The following ADAMTSL3 variants were observed in gnomAD, a reference collection of about 807,000 sequenced individuals.
ADAMTSL3 encodes the protein ADAMTS-like protein 3.
Under a neutral mutation model 201.7 loss-of-function variants are expected in ADAMTSL3, and 128 were observed. The observed-to-expected ratio is 0.63, with a 90% CI of 0.55 to 0.73. The LOEUF is 0.73. Among genes scored for constraint, ADAMTSL3 ranks in the 30% least tolerant of loss-of-function variants. The pLI is 0.00. For synonymous variants in ADAMTSL3, 738 were observed against 748.4 expected (o/e 0.99, Z 0.23); for missense variants, 1,990 against 2,119.6 (o/e 0.94, Z 1.20).
chr15:83,895,622 A>T (rs1455637125), intron 13 of ADAMTSL3, among the ~76,000 whole-genome samples: 1 of 152,204 alleles, frequency 6.6e-6, no homozygotes, highest in African/African-American at 2.4e-5. Context: ...TGACAGTGCC[A>T]TTAGGGGAAG....
intron 3 of ADAMTSL3, among the ~76,000 whole-genome samples, chr15:83,746,527 C>G (rs1024588288): frequency 6.6e-6 from 1 of 152,110 alleles, no homozygotes; most frequent in Non-Finnish European, 1.5e-5. Flanking sequence ...ATCAAAATCA[C>G]CAGCTCTTGA....
At chr15:83,811,562 T>G (rs1466656328) in intron 5 of ADAMTSL3, among the ~76,000 whole-genome samples, 1 of 152,228 alleles carries the variant, frequency 6.6e-6, no homozygotes, top group Non-Finnish European at 1.5e-5. Context: ...GTTAGGACTT[T>G]GGTATACTCG....
Position 83,943,091 on chromosome 15 carries a change from C to T in ADAMTSL3, c.2490+9C>T. On this transcript the variant is annotated intron_variant, in intron 19 of 29. Transcript: ENST00000286744. ...TGGGAGACTGGTCGAAGGTAAGGGC[C>T]AGGCTCAACTTTATAGTCCCTTCTT... 1 of 1,597,588 alleles carries T rather than the reference C, an allele frequency of 6.3e-7. No homozygotes were observed. Among genetic ancestry groups the T allele is most frequent in the Non-Finnish European group, 8.5e-7 (1 of 1,173,894 alleles).
rs560748266 is a variant in ADAMTSL3, at chr15:84,014,375, A to G, written c.3974-167A>G. On this transcript the variant is annotated intron_variant, in intron 23 of 29. Coordinates refer to ENST00000286744, the MANE Select transcript of ADAMTSL3 (RefSeq NM_207517.3). ...GCCCTTTGCTTTAAGAGGATCCTCC[A>G]TCTGCCATAGAGTAGCTATAGAAAT... 3.9e-4 allele frequency among the ~76,000 whole-genome samples: 59 copies of G among 152,364 alleles called. 2 individuals carry two copies. The highest frequency in any genetic ancestry group is 1.0e-3 in the Admixed American group (16 of 15,302).
chr15:83,824,847 T>C (rs2063985879), intron 6 of ADAMTSL3: 1 of 152,192 alleles, frequency 6.6e-6, no homozygotes, highest in Non-Finnish European at 1.5e-5. Context: ...ATTTAAAAAA[T>C]TTAAGATAAA....
intron 16 of ADAMTSL3, among the ~76,000 whole-genome samples, chr15:83,920,812 T>A (rs976003440): frequency 6.6e-6 from 1 of 152,192 alleles, no homozygotes; most frequent in African/African-American, 2.4e-5. Context: ...ATAGTTTATA[T>A]CATAGAAATC....
intron 19 of ADAMTSL3, among the ~76,000 whole-genome samples, chr15:83,947,580 A>G (rs10520571): frequency 0.36 from 54,559 of 152,114 alleles, 10,834 homozygotes; most frequent in African/African-American, 0.51. Flanking sequence ...CTTGGCTGAA[A>G]TAGCCTCCTT....
chr15:83,792,588 A>C (rs1418906912), intron 4 of ADAMTSL3, among the ~76,000 whole-genome samples: 2 of 152,180 alleles, frequency 1.3e-5, no homozygotes, highest in Non-Finnish European at 2.9e-5. Flanking sequence ...GTTAGAGACC[A>C]GCCTGGCCAA....
At chr15:83,969,977 T>G (rs1411297686) in intron 19 of ADAMTSL3, among the ~76,000 whole-genome samples, 1 of 152,234 alleles carries the variant, frequency 6.6e-6, no homozygotes, top group Non-Finnish European at 1.5e-5. Flanking sequence ...TTACTCCGAT[T>G]GTGGTAATGG....
intron 9 of ADAMTSL3, among the ~76,000 whole-genome samples, chr15:83,880,613 G>T (rs1252569880): frequency 6.6e-6 from 1 of 152,084 alleles, no homozygotes; most frequent in African/African-American, 2.4e-5. Flanking sequence ...TTTATTCCTA[G>T]AATTTCCATT....
In ADAMTSL3 at chr15:83,942,189, T is replaced by C. The variant is rs575139074; in HGVS notation, c.2118-407T>C. Among the ~76,000 whole-genome samples the C allele has an allele frequency of 3.3e-5, 5 of 152,368 alleles. No individual in the cohort carries two copies. In the East Asian group the frequency reaches 9.6e-4, roughly 29 times the overall value. Reference sequence around the variant, plus strand: ...ATTTTCTTAGGGATATTCCAAATAATGAAGCCAGGTGCCCTGAAGATTTCC... The same window carrying C: ...ATTTTCTTAGGGATATTCCAAATAACGAAGCCAGGTGCCCTGAAGATTTCC... On this transcript the variant is annotated intron_variant, in intron 17 of 29. Coordinates refer to ENST00000286744, the MANE Select transcript of ADAMTSL3 (RefSeq NM_207517.3).
At chr15:83,746,426 G>GT (rs2062548548) in intron 3 of ADAMTSL3, among the ~76,000 whole-genome samples, 1 of 151,936 alleles carries the variant, frequency 6.6e-6, no homozygotes, top group Admixed American at 6.5e-5. Flanking sequence ...AGAAAGGAGG[G>GT]TGTGGATATT....
intron 19 of ADAMTSL3, among the ~76,000 whole-genome samples, chr15:83,952,259 AT>A (rs2066771597): frequency 1.3e-5 from 2 of 152,074 alleles, no homozygotes; most frequent in Non-Finnish European, 2.9e-5. Context: ...GTATTTGTAC[AT>A]TTTCCAAAAT....
At chr15:83,772,592 C>T (rs2063002073) in intron 3 of ADAMTSL3, among the ~76,000 whole-genome samples, 1 of 152,052 alleles carries the variant, frequency 6.6e-6, no homozygotes, top group Non-Finnish European at 1.5e-5. Flanking sequence ...ACTTTGTTTT[C>T]TAGGAATGGA....
At chr15:83,741,269 G>C (rs2062450542) in intron 3 of ADAMTSL3, among the ~76,000 whole-genome samples, 1 of 151,238 alleles carries the variant, frequency 6.6e-6, no homozygotes, top group Non-Finnish European at 1.5e-5. Context: ...AATCCCACAG[G>C]GTGTTTTTTC....
chr15:83,727,321 ATCT>A (rs1382523440), intron 3 of ADAMTSL3, among the ~76,000 whole-genome samples: 1 of 150,406 alleles, frequency 6.6e-6, no homozygotes, highest in African/African-American at 2.4e-5. Flanking sequence ...GATTTTGTTT[ATCT>A]TTTCAAAAAT....
intron 9 of ADAMTSL3, among the ~76,000 whole-genome samples, chr15:83,881,825 A>T (rs1475783786): frequency 6.6e-6 from 1 of 151,486 alleles, no homozygotes; most frequent in Non-Finnish European, 1.5e-5. Flanking sequence ...ACTGTTCTCC[A>T]GCCTGAGTAA....
chr15:83,843,271 G>A (rs907919112), intron 7 of ADAMTSL3, among the ~76,000 whole-genome samples: 8 of 151,554 alleles, frequency 5.3e-5, no homozygotes, highest in Middle Eastern at 3.4e-3. Flanking sequence ...CAATTTCTAC[G>A]TAGAAAGGGG....
At position 84,014,970 on chromosome 15, in the gene ADAMTSL3, G is replaced by A. The variant is rs145429129; in HGVS notation, c.4156+246G>A. On this transcript the variant is annotated intron_variant, in intron 24 of 29. Transcript: ENST00000286744. ...TGTGTGTGATTTTTTTTTTTTAAACGGAGTCTTGCTCCGTCACCAGGCTGG... is the reference window on the plus strand; with the variant it reads ...TGTGTGTGATTTTTTTTTTTTAAACAGAGTCTTGCTCCGTCACCAGGCTGG... Among the ~76,000 whole-genome samples, 58 of 151,762 alleles carry A rather than the reference G, an allele frequency of 3.8e-4. No homozygotes were observed. The East Asian group carries it at 0.011, about 28-fold the overall frequency.
Sources: gnomAD v4.1 joint callset for allele counts (sites outside exome capture counted in the v4.1 genomes callset) on GRCh38, gnomAD v4.1.1 for gene constraint, MANE v1.5 for transcripts, NCBI Gene and HGNC (gene_info 2026-07-23, HGNC 2026-07-21) for gene names.